TRIO: variants seen among roughly 807,000 people sequenced by gnomAD.
TRIO encodes triple functional domain protein.
Under a neutral mutation model 351.9 loss-of-function variants are expected in TRIO, and 58 were observed. The ratio of observed to expected loss-of-function variants is 0.16; its 90% CI spans 0.13 to 0.21. The LOEUF (loss-of-function observed/expected upper bound fraction) is 0.21. Ranked by LOEUF, TRIO falls within the 10% of genes least tolerant of loss-of-function variation. TRIO has a pLI of 1.00. For synonymous variants in TRIO, 1,758 were observed against 1,595.7 expected, an observed-to-expected ratio of 1.10 and a Z score of -2.42; for missense variants, 3,201 against 4,027.8, an observed-to-expected ratio of 0.79 and a Z score of 5.56.
chr5:14,184,871 C>T (rs1202527417), intron 1 of TRIO, among the ~76,000 whole-genome samples: 1 of 152,136 alleles, frequency 6.6e-6, no homozygotes, highest in African/African-American at 2.4e-5. Flanking sequence ...ATCTAATGCA[C>T]GAGGGCAGTC....
At chr5:14,379,254 C>T (rs1158162769) in intron 20 of TRIO, among the ~76,000 whole-genome samples, 1 of 152,210 alleles carries the variant, frequency 6.6e-6, no homozygotes, top group Non-Finnish European at 1.5e-5. Context: ...TTTCTGAATC[C>T]AGCTTGCAAC....
intron 9 of TRIO, among the ~76,000 whole-genome samples, chr5:14,321,887 G>T (rs1739923188): frequency 6.6e-6 from 1 of 152,158 alleles, no homozygotes; most frequent in African/African-American, 2.4e-5. Flanking sequence ...AAGCTCTCTT[G>T]CCTGCTGCCA....
At chr5:14,480,371 G>A (rs1755422881) in intron 43 of TRIO, among the ~76,000 whole-genome samples, 1 of 152,182 alleles carries the variant, frequency 6.6e-6, no homozygotes, top group South Asian at 2.1e-4. Flanking sequence ...ATCGAGTTCA[G>A]AATGAAAATA....
At chr5:14,336,445 A>G (rs557821323) in intron 10 of TRIO, 91 bp from the exon 11 acceptor site, 3 of 1,306,838 alleles carry the variant, frequency 2.3e-6, no homozygotes, top group Non-Finnish European at 3.2e-6. Flanking sequence ...AAATATCACA[A>G]ATTGACTGTG....
At chr5:14,243,909 A>G in intron 1 of TRIO, among the ~76,000 whole-genome samples, 1 of 152,242 alleles carries the variant, frequency 6.6e-6, no homozygotes, top group Non-Finnish European at 1.5e-5. Flanking sequence ...TCAGCAAACT[A>G]GCTAGTACAA....
At chr5:14,366,720 T>C (rs1744626581) in intron 15 of TRIO, 140 bp from the exon 16 acceptor site, 1 of 1,269,340 alleles carries the variant, frequency 7.9e-7, no homozygotes, top group East Asian at 2.4e-5. Flanking sequence ...GTTGCCTGGA[T>C]TTTAGGATGA....
rs1397897283 is a variant in TRIO, at chr5:14,472,467, TAAATGTAC to T, written c.5913-120_5913-113del. 95 of 1,028,554 alleles carry T rather than the reference TAAATGTAC, an allele frequency of 9.2e-5. 1 individual carries two copies. The highest frequency in any genetic ancestry group is 1.3e-4 in the Non-Finnish European group (93 of 707,554). The allele number at this position is 1,028,554 out of a possible 1,614,324, so 63.7% of individuals were successfully genotyped here. On this transcript the variant is annotated intron_variant, in intron 38 of 56. Transcript: ENST00000344204. ...TTGGGACTCTCCAGAATTTAACACCTAAATGTACAAATTTGATACATTACTATTCAGTC... is the reference window on the plus strand; with the variant it reads ...TTGGGACTCTCCAGAATTTAACACCTAAATTTGATACATTACTATTCAGTC...
intron 11 of TRIO, among the ~76,000 whole-genome samples, chr5:14,348,229 C>T (rs1004705321): frequency 6.6e-6 from 1 of 152,086 alleles, no homozygotes; most frequent in African/African-American, 2.4e-5. Flanking sequence ...GTAATAAAAA[C>T]AGGATATATT....
intron 27 of TRIO, among the ~76,000 whole-genome samples, chr5:14,392,339 A>G (rs1747160053): frequency 6.6e-6 from 1 of 152,256 alleles, no homozygotes; most frequent in Admixed American, 6.5e-5. Context: ...AAAACTCATC[A>G]TCACTGGTCA....
At chr5:14,235,885 A>G (rs964059885) in intron 1 of TRIO, among the ~76,000 whole-genome samples, 3 of 151,914 alleles carry the variant, frequency 2.0e-5, no homozygotes, top group African/African-American at 7.3e-5. Flanking sequence ...CTGGTCTCGA[A>G]CTCCTGGCCT....
intron 11 of TRIO, among the ~76,000 whole-genome samples, chr5:14,342,297 C>T (rs1579374593): frequency 6.6e-6 from 1 of 152,206 alleles, no homozygotes; most frequent in African/African-American, 2.4e-5. Flanking sequence ...CTCAAGCACC[C>T]ACTGCTTAGA....
intron 1 of TRIO, among the ~76,000 whole-genome samples, chr5:14,258,054 G>A (rs1795128027): frequency 6.6e-6 from 1 of 152,246 alleles, no homozygotes; most frequent in Non-Finnish European, 1.5e-5. Context: ...CCCCTGGGAG[G>A]TGGCAAGCCC....
At chr5:14,248,081 A>AAG (rs1794540923) in intron 1 of TRIO, among the ~76,000 whole-genome samples, 1 of 149,964 alleles carries the variant, frequency 6.7e-6, no homozygotes, top group Admixed American at 6.6e-5. Flanking sequence ...AAAAAAAAAA[A>AAG]GAAAATATAG....
chr5:14,380,420 C>T (rs538927522), intron 20 of TRIO, among the ~76,000 whole-genome samples: 40 of 152,160 alleles, frequency 2.6e-4, no homozygotes, highest in Non-Finnish European at 4.9e-4. Context: ...CCCATCCTGT[C>T]GTATCCCATC....
intron 9 of TRIO, among the ~76,000 whole-genome samples, chr5:14,317,272 A>G (rs1045536912): frequency 6.6e-6 from 1 of 152,344 alleles, no homozygotes; most frequent in African/African-American, 2.4e-5. Context: ...GAGTAAGTCC[A>G]GTTCCCCATT....
chr5:14,255,168 G>A (rs763320727), intron 1 of TRIO, among the ~76,000 whole-genome samples: 1 of 152,164 alleles, frequency 6.6e-6, no homozygotes, highest in African/African-American at 2.4e-5. Flanking sequence ...CTGGTCTGAC[G>A]GACAATACAA....
chr5:14,362,633 A>G (rs77198116), intron 13 of TRIO, among the ~76,000 whole-genome samples: 1,687 of 152,242 alleles, frequency 0.011, 36 homozygotes, highest in African/African-American at 0.039. Flanking sequence ...CTCTAAACTT[A>G]GAAGTTAGAT....
intron 1 of TRIO, among the ~76,000 whole-genome samples, chr5:14,179,503 C>A (rs1728554863): frequency 6.6e-6 from 1 of 150,476 alleles, no homozygotes; most frequent in African/African-American, 2.4e-5. Flanking sequence ...ACTCTGTTGC[C>A]CAATTTGGAG....
At chr5:14,318,782 T>G (rs1739608080) in intron 9 of TRIO, among the ~76,000 whole-genome samples, 1 of 152,224 alleles carries the variant, frequency 6.6e-6, no homozygotes, top group South Asian at 2.1e-4. Context: ...TGTTGGAGTT[T>G]AAATCTAATT....
Sources: gnomAD v4.1 joint callset for allele counts (sites outside exome capture counted in the v4.1 genomes callset) on GRCh38, gnomAD v4.1.1 for gene constraint, MANE v1.5 for transcripts, NCBI Gene and HGNC (gene_info 2026-07-23, HGNC 2026-07-21) for gene names.